Variants in TAOK3 observed in about 807,000 individuals in gnomAD.
TAOK3 encodes the protein serine/threonine-protein kinase TAO3.
A neutral mutation model predicts 120.4 loss-of-function variants in TAOK3; 40 were observed. The observed-to-expected ratio is 0.33, with a 90% CI of 0.26 to 0.43. TAOK3 has a LOEUF of 0.43. TAOK3 is among the 20% of genes least tolerant of loss of function. The probability of loss-of-function intolerance (pLI) is 1.00; values close to 1 mark genes in which losing one functional copy is unlikely to be tolerated. For synonymous variants in TAOK3, 355 were observed against 387.5 expected (o/e 0.92, Z 0.99); for missense variants, 821 against 1,112.1 (o/e 0.74, Z 3.72).
intron 11 of TAOK3, among the ~76,000 whole-genome samples, chr12:118,209,137 G>C (rs2038490586): frequency 6.6e-6 from 1 of 152,072 alleles, no homozygotes; most frequent in South Asian, 2.1e-4. Context: ...ACAAATTATG[G>C]TCCATCTAAG....
At chr12:118,169,004 T>TTCCTTCCTTC (rs1565885916) in intron 17 of TAOK3, among the ~76,000 whole-genome samples, 21 of 121,716 alleles carry the variant, frequency 1.7e-4, no homozygotes, top group Admixed American at 5.3e-4. Flanking sequence ...TTCCTTCCTT[T>TTCCTTCCTTC]CTTTCTTTCT....
chr12:118,282,753 A>G (rs910660097), intron 1 of TAOK3, among the ~76,000 whole-genome samples: 7 of 151,994 alleles, frequency 4.6e-5, no homozygotes, highest in South Asian at 2.1e-4. Context: ...AACTGCCACA[A>G]TCATCTCTGC....
intron 9 of TAOK3, among the ~76,000 whole-genome samples, chr12:118,221,403 T>C (rs2039224687): frequency 6.6e-6 from 1 of 151,938 alleles, no homozygotes; most frequent in Admixed American, 6.6e-5. Flanking sequence ...TTTGTATTTT[T>C]AGTAGAGATA....
rs927644106 is a variant in TAOK3 at position 118,220,413 on chromosome 12, G to A, written c.644-6303C>T. Among the ~76,000 whole-genome samples the A allele has an allele frequency of 2.6e-5, 4 of 151,910 alleles. No individual in the cohort carries two copies. In the South Asian group the frequency reaches 8.3e-4, roughly 32 times the overall value. The stretch of plus-strand genomic sequence containing the variant: ...TCAACAAACAAAGAATCTTTGTTCA[G>A]TAAGTAATTACAAAATTACAAAAAT... On this transcript the variant is annotated intron_variant, in intron 9 of 20. Coordinates refer to ENST00000392533, the MANE Select transcript of TAOK3 (RefSeq NM_016281.4).
rs1593383503 is a variant in TAOK3, at chr12:118,276,891, G to C, written c.-193-10132C>G. On this transcript the variant is annotated intron_variant, in intron 1 of 20. Coordinates refer to ENST00000392533, the MANE Select transcript of TAOK3 (RefSeq NM_016281.4). ...ATGGTGGCTCACGCCTATAGTCCCA[G>C]CTACTCAGGAGACTGAGGCAGGAGA... 2.0e-5 allele frequency among the ~76,000 whole-genome samples: 3 copies of C among 152,098 alleles called. No individual in the cohort carries two copies. The East Asian group carries it at 5.8e-4, about 29-fold the overall frequency.
rs753232720 is a variant in TAOK3 at position 118,228,153 on chromosome 12, CT to C, written c.643+5520del. 9.8e-3 allele frequency among the ~76,000 whole-genome samples: 1,352 copies of C among 138,136 alleles called. 12 individuals carry two copies. Among genetic ancestry groups the C allele is most frequent in the African/African-American group, 0.026 (981 of 37,994 alleles). 90.6% of individuals were successfully genotyped at this position (138,136 alleles called of 152,430 possible). A position where few individuals can be genotyped will look rare whatever the true frequency, so the allele number is the denominator to read the frequency against. On this transcript the variant is annotated intron_variant, in intron 9 of 20. Transcript: ENST00000392533. ...CTTATGTTTTATTAGTATATATACTCTTTTTTTTTTTTTTTTGAGATGGAGT... is the reference window on the plus strand; with the variant it reads ...CTTATGTTTTATTAGTATATATACTCTTTTTTTTTTTTTTTGAGATGGAGT...
At chr12:118,260,197 T>C (rs2140204321) in intron 2 of TAOK3, among the ~76,000 whole-genome samples, 1 of 152,240 alleles carries the variant, frequency 6.6e-6, no homozygotes, top group Non-Finnish European at 1.5e-5. Flanking sequence ...GGTACAATCA[T>C]GGCTCATTGC....
intron 1 of TAOK3, among the ~76,000 whole-genome samples, chr12:118,346,721 A>C (rs1030660327): frequency 4.6e-5 from 7 of 152,242 alleles, no homozygotes; most frequent in African/African-American, 1.7e-4. Context: ...ATAGGCAAAG[A>C]TATGTTCAAT....
intron 1 of TAOK3, among the ~76,000 whole-genome samples, chr12:118,300,177 A>G (rs1289082528): frequency 1.3e-5 from 2 of 152,228 alleles, no homozygotes; most frequent in African/African-American, 2.4e-5. Context: ...AACTAGAGAC[A>G]GCAAGCTCAG....
At chr12:118,201,095 G>C (rs765462266) in intron 12 of TAOK3, 26 of 484,620 alleles carry the variant, frequency 5.4e-5, no homozygotes, top group Non-Finnish European at 9.4e-5. Context: ...CCTGCAATGG[G>C]GTTACACCTC....
chr12:118,197,744 G>C (rs183543792), intron 13 of TAOK3, among the ~76,000 whole-genome samples: 4 of 134,772 alleles, frequency 3.0e-5, no homozygotes, highest in Admixed American at 8.6e-5. Context: ...CTGGAGTGCA[G>C]TGGCGCAATC....
At chr12:118,182,124 G>A (rs539700167) in intron 14 of TAOK3, among the ~76,000 whole-genome samples, 1 of 152,202 alleles carries the variant, frequency 6.6e-6, no homozygotes, top group Admixed American at 6.5e-5. Context: ...GGCGGAGGCT[G>A]CAGTGAGCTA....
chr12:118,189,207 A>G (rs959427693), intron 14 of TAOK3, among the ~76,000 whole-genome samples: 1 of 152,248 alleles, frequency 6.6e-6, no homozygotes, highest in African/African-American at 2.4e-5. Context: ...TGCAATAAAT[A>G]AATGAATGAA....
intron 19 of TAOK3, among the ~76,000 whole-genome samples, chr12:118,153,278 G>A (rs1220650846): frequency 6.6e-6 from 1 of 152,120 alleles, no homozygotes; most frequent in Non-Finnish European, 1.5e-5. Flanking sequence ...AGGCATGGTG[G>A]CATGTGCCTG....
intron 17 of TAOK3, among the ~76,000 whole-genome samples, chr12:118,169,729 C>A (rs2035875561): frequency 6.6e-6 from 1 of 151,134 alleles, no homozygotes. Flanking sequence ...TCTCTCATAT[C>A]TTTTTTTTTG....
intron 9 of TAOK3, among the ~76,000 whole-genome samples, chr12:118,226,853 CTT>C (rs2039533565): frequency 6.6e-6 from 1 of 152,160 alleles, no homozygotes; most frequent in Non-Finnish European, 1.5e-5. Flanking sequence ...AAGGGGCTGT[CTT>C]AAGAGAGGAA....
chr12:118,173,645 A>C (rs1444496436), intron 16 of TAOK3, among the ~76,000 whole-genome samples: 1 of 152,252 alleles, frequency 6.6e-6, no homozygotes, highest in African/African-American at 2.4e-5. Context: ...TATAGAGTAA[A>C]CAAACCATCT....
At position 118,212,763 on chromosome 12, in the gene TAOK3, T is replaced by G. The variant is rs950939968; in HGVS notation, c.819+151A>C. On this transcript the variant is annotated intron_variant, in intron 11 of 20. Transcript: ENST00000392533. ...CATAACGTTGCAATAATCTTGCTAT[T>G]TCTATGCCTAGCTACTTATCTCAGG... The G allele has an allele frequency of 5.5e-6, 3 of 546,038 alleles. No individual in the cohort carries two copies. In the African/African-American group the frequency reaches 5.7e-5, roughly 10 times the overall value. The allele number at this position is 546,038 out of a possible 1,614,324, so 33.8% of individuals were successfully genotyped here.
chr12:118,311,477 A>G (rs908437860), intron 1 of TAOK3, among the ~76,000 whole-genome samples: 1 of 152,158 alleles, frequency 6.6e-6, no homozygotes, highest in African/African-American at 2.4e-5. Flanking sequence ...AAAGAAAAAA[A>G]AGAAAGAGCT....
Sources: gnomAD v4.1 joint callset for allele counts (sites outside exome capture counted in the v4.1 genomes callset) on GRCh38, gnomAD v4.1.1 for gene constraint, MANE v1.5 for transcripts, NCBI Gene and HGNC (gene_info 2026-07-23, HGNC 2026-07-21) for gene names.